DNAAF9: variants seen among roughly 807,000 people sequenced by gnomAD.
DNAAF9 encodes dynein axonemal assembly factor 9.
In DNAAF9, 90 loss-of-function variants were observed where a neutral mutation model predicts 167.0. The ratio of observed to expected loss-of-function variants is 0.54; its 90% confidence interval spans 0.45 to 0.64. The LOEUF (loss-of-function observed/expected upper bound fraction) is 0.64. DNAAF9 is among the 30% of genes least tolerant of loss of function. The probability of loss-of-function intolerance (pLI) is 0.00; values close to 1 mark genes in which losing one functional copy is unlikely to be tolerated. For missense variants in DNAAF9, 1,315 were observed against 1,442.2 expected (o/e 0.91, Z 1.43); for synonymous variants, 491 against 508.8 (o/e 0.96, Z 0.47).
chr20:3,328,508 A>G (rs926764032), intron 12 of DNAAF9, among the ~76,000 whole-genome samples: 1 of 152,128 alleles, frequency 6.6e-6, no homozygotes, highest in African/African-American at 2.4e-5. Context: ...TTTCACTTGA[A>G]TCCACATGTT....
intron 20 of DNAAF9, among the ~76,000 whole-genome samples, chr20:3,306,149 T>C (rs1480893070): frequency 6.6e-6 from 1 of 152,134 alleles, no homozygotes; most frequent in Non-Finnish European, 1.5e-5. Flanking sequence ...AACACTCCCA[T>C]TCCTTCTTAG....
At chr20:3,298,485 T>C (rs1176789785) in intron 21 of DNAAF9, among the ~76,000 whole-genome samples, 1 of 152,104 alleles carries the variant, frequency 6.6e-6, no homozygotes, top group Non-Finnish European at 1.5e-5. Context: ...GCCTGGCTAA[T>C]TTTTTTAAAC....
chr20:3,352,180 T>C (rs965770654), intron 7 of DNAAF9, among the ~76,000 whole-genome samples: 7 of 152,252 alleles, frequency 4.6e-5, no homozygotes, highest in African/African-American at 1.7e-4. Flanking sequence ...TCAACTTATT[T>C]TTACATAGTA....
chr20:3,343,858 TGC>T, intron 8 of DNAAF9, 127 bp from the exon 9 acceptor site: 32 of 614,154 alleles, frequency 5.2e-5, no homozygotes, highest in South Asian at 1.6e-4. Context: ...TGTGTGTGTG[TGC>T]GTGTGTGCAT....
At chr20:3,282,645 C>T (rs912160249) in intron 27 of DNAAF9, among the ~76,000 whole-genome samples, 1 of 152,194 alleles carries the variant, frequency 6.6e-6, no homozygotes, top group Non-Finnish European at 1.5e-5. Context: ...TGATCTGACC[C>T]CCTATGGAGC....
rs1281562279 is a variant in DNAAF9 at position 3,260,638 on chromosome 20, C to CT, written c.2874-611dup. 2.0e-4 allele frequency among the ~76,000 whole-genome samples: 31 copies of CT among 151,262 alleles called. 1 individual carries two copies. Among genetic ancestry groups the CT allele is most frequent in the South Asian group, 1.0e-3 (5 of 4,774 alleles). ...TCAGGATGCCCTCCCATTTCTCTCT[C>CT]TTTTTTTTTGAGACAAGGTCTCCCT... On this transcript the variant is annotated intron_variant, in intron 31 of 36. Coordinates refer to ENST00000252032, the MANE Select transcript of DNAAF9 (RefSeq NM_001009984.3).
intron 6 of DNAAF9, among the ~76,000 whole-genome samples, chr20:3,367,931 A>G (rs987870846): frequency 1.2e-4 from 18 of 146,904 alleles, no homozygotes; most frequent in Admixed American, 2.7e-4. Flanking sequence ...AAAAAAAGCA[A>G]TATCTACAAA....
chr20:3,281,948 C>T (rs1245757393), intron 27 of DNAAF9, among the ~76,000 whole-genome samples, 182 bp from the exon 28 acceptor site: 1 of 152,182 alleles, frequency 6.6e-6, no homozygotes, highest in Non-Finnish European at 1.5e-5. Context: ...TACAGTGTTT[C>T]TACATTCCCA....
At chr20:3,289,531 G>GT (rs1193575511) in intron 26 of DNAAF9, among the ~76,000 whole-genome samples, 2 of 151,840 alleles carry the variant, frequency 1.3e-5, no homozygotes, top group African/African-American at 2.4e-5. Flanking sequence ...TTTTTGTTTT[G>GT]TTTTTTTAAT....
intron 1 of DNAAF9, among the ~76,000 whole-genome samples, chr20:3,383,801 C>CT (rs11464653): frequency 0.48 from 67,421 of 140,986 alleles, 16,147 homozygotes; most frequent in Middle Eastern, 0.63. Flanking sequence ...CCACTGGATT[C>CT]TTTTTTTTTT....
chr20:3,399,246 T>A (rs914042647), intron 1 of DNAAF9, among the ~76,000 whole-genome samples: 2 of 151,994 alleles, frequency 1.3e-5, no homozygotes, highest in African/African-American at 4.8e-5. Flanking sequence ...TGAGATGGAG[T>A]CTCACTCTGT....
chr20:3,288,958 A>G (rs1284246664), intron 26 of DNAAF9, among the ~76,000 whole-genome samples: 2 of 152,106 alleles, frequency 1.3e-5, no homozygotes, highest in Non-Finnish European at 2.9e-5. Flanking sequence ...TGCTGCTACA[A>G]TGCTCTCCCC....
At chr20:3,398,354 C>T (rs537073773) in intron 1 of DNAAF9, among the ~76,000 whole-genome samples, 1 of 152,268 alleles carries the variant, frequency 6.6e-6, no homozygotes, top group South Asian at 2.1e-4. Context: ...ATATCCTTTC[C>T]AGCCAAATAA....
chr20:3,351,942 A>G (rs944478029), intron 7 of DNAAF9, among the ~76,000 whole-genome samples: 1 of 152,040 alleles, frequency 6.6e-6, no homozygotes, highest in African/African-American at 2.4e-5. Flanking sequence ...TATTTTTAGT[A>G]GATATGGGGT....
In DNAAF9 at chr20:3,296,955, C is replaced by A. The variant is rs2236104; in HGVS notation, c.1930-6G>T. 0.19 allele frequency: 294,758 copies of A among 1,560,782 alleles called. 28,739 individuals are homozygous for A. Among genetic ancestry groups the A allele is most frequent in the African/African-American group, 0.24 (18,030 of 73,738 alleles). ...TGTTTCCAGAGGGAGAAGACCTAAA[C>A]AAAACAGAATTTGAGCAAAGAACAC... On this transcript the variant is annotated splice_region_variant and splice_polypyrimidine_tract_variant and intron_variant, in intron 22 of 36. Transcript: ENST00000252032.
intron 20 of DNAAF9, among the ~76,000 whole-genome samples, chr20:3,313,421 T>A (rs974744339): frequency 2.0e-5 from 3 of 152,102 alleles, no homozygotes; most frequent in African/African-American, 7.2e-5. Context: ...GGGAGAGGAA[T>A]TTGCCACCGG....
chr20:3,324,711 G>C (rs1466931947), intron 14 of DNAAF9, among the ~76,000 whole-genome samples, 181 bp downstream of exon 14: 1 of 152,140 alleles, frequency 6.6e-6, no homozygotes, highest in Non-Finnish European at 1.5e-5. Flanking sequence ...AACAGTTCCT[G>C]CATCTTTGGC....
intron 30 of DNAAF9, among the ~76,000 whole-genome samples, chr20:3,267,231 T>G (rs539063938): frequency 6.6e-6 from 1 of 152,308 alleles, no homozygotes; most frequent in Non-Finnish European, 1.5e-5. Flanking sequence ...ATTATCATGG[T>G]TCTTTCTTAT....
At chr20:3,353,723 C>T (rs1376946359) in intron 7 of DNAAF9, among the ~76,000 whole-genome samples, 1 of 147,940 alleles carries the variant, frequency 6.8e-6, no homozygotes, top group Non-Finnish European at 1.5e-5. Context: ...GGTATATTTC[C>T]ACTTAAATGG....
Sources: allele counts gnomAD v4.1 joint callset (sites outside exome capture counted in the v4.1 genomes callset), GRCh38; gene constraint gnomAD v4.1.1; transcripts MANE v1.5; gene names NCBI Gene and HGNC (gene_info 2026-07-23, HGNC 2026-07-21).